Variants in TTC6 observed in about 807,000 individuals in gnomAD.
The protein encoded by TTC6 is tetratricopeptide repeat protein 6.
Under a neutral mutation model 210.4 loss-of-function variants are expected in TTC6, and 172 were observed. The observed-to-expected ratio is 0.82, with a 90% CI of 0.72 to 0.93. TTC6 has a LOEUF of 0.93. TTC6 is among the 40% of genes least tolerant of loss of function. The pLI, the probability that TTC6 is intolerant of heterozygous loss-of-function variation, is 0.00. For synonymous variants in TTC6, 804 were observed against 819.6 expected, an observed-to-expected ratio of 0.98 and a Z score of 0.32; for missense variants, 2,414 against 2,318.1, an observed-to-expected ratio of 1.04 and a Z score of -0.85.
intron 4 of TTC6, among the ~76,000 whole-genome samples, chr14:37,698,503 C>T (rs75083875): frequency 0.19 from 29,487 of 151,912 alleles, 3,249 homozygotes; most frequent in South Asian, 0.27. Flanking sequence ...TTTTTCCCCT[C>T]TATTTTAAAA....
At chr14:37,778,688 C>T (rs2096045597) in intron 14 of TTC6, among the ~76,000 whole-genome samples, 1 of 152,000 alleles carries the variant, frequency 6.6e-6, no homozygotes, top group Non-Finnish European at 1.5e-5. Flanking sequence ...TCTGCTGGAC[C>T]CCTCCAATAG....
At chr14:37,730,153 A>G (rs1293358109) in intron 7 of TTC6, among the ~76,000 whole-genome samples, 2 of 152,196 alleles carry the variant, frequency 1.3e-5, no homozygotes, top group African/African-American at 4.8e-5. Flanking sequence ...TGAATGGGAA[A>G]TGATATTTAG....
intron 14 of TTC6, among the ~76,000 whole-genome samples, chr14:37,777,605 T>C (rs2096041619): frequency 6.6e-6 from 1 of 152,188 alleles, no homozygotes; most frequent in African/African-American, 2.4e-5. Context: ...TTCTGTGATT[T>C]CAGCCATTTC....
chr14:37,622,810 G>A (rs970001879), exon 1 of TTC6: 36 of 1,533,668 alleles, frequency 2.3e-5, no homozygotes, highest in Non-Finnish European at 2.8e-5. Context: ...GGAGCCCAGG[G>A]AGAACAGGAG....
At position 37,807,766 on chromosome 14, in the gene TTC6, A is replaced by G. The variant is rs1340566915; in HGVS notation, c.4455+306A>G. On this transcript the variant is annotated intron_variant, in intron 23 of 30. Coordinates refer to ENST00000553443, the Ensembl canonical transcript of TTC6. ...ATAAAGGATTATTATCTCACCATCA[A>G]TGATAATTCCTGGGTGCATTTAGCA... 2.6e-5 allele frequency among the ~76,000 whole-genome samples: 4 copies of G among 152,118 alleles called. No homozygotes were observed. The East Asian group carries it at 5.8e-4, about 22-fold the overall frequency.
intron 16 of TTC6, among the ~76,000 whole-genome samples, chr14:37,791,322 C>T (rs1346363096): frequency 6.6e-6 from 1 of 152,082 alleles, no homozygotes; most frequent in African/African-American, 2.4e-5. Context: ...CCATGTAGAC[C>T]ATATGTTCAG....
intron 1 of TTC6, among the ~76,000 whole-genome samples, chr14:37,660,393 C>T (rs996660389): frequency 4.6e-5 from 7 of 152,112 alleles, no homozygotes; most frequent in African/African-American, 1.7e-4. Context: ...CACCTCACCC[C>T]TGGACAGGCC....
chr14:37,804,631 A>T (rs375216603), intron 20 of TTC6, 49 bp from the exon 23 acceptor site: 1 of 1,592,430 alleles, frequency 6.3e-7, no homozygotes, highest in African/African-American at 1.3e-5. Flanking sequence ...TTAAATCAAT[A>T]GTGGAAAGAA....
intron 17 of TTC6, among the ~76,000 whole-genome samples, chr14:37,793,522 G>A (rs1044948538): frequency 6.6e-6 from 1 of 152,172 alleles, no homozygotes; most frequent in Admixed American, 6.5e-5. Context: ...TCCTTACTCT[G>A]CTGACAATGG....
At chr14:37,817,784 G>C in intron 26 of TTC6, 133 bp downstream of exon 28, 11 of 838,610 alleles carry the variant, frequency 1.3e-5, no homozygotes, top group Non-Finnish European at 2.1e-5. Context: ...GTACAAAAAT[G>C]GGGAGGGACA....
At chr14:37,825,965 A>C (rs1595320647) in intron 27 of TTC6, among the ~76,000 whole-genome samples, 1 of 152,068 alleles carries the variant, frequency 6.6e-6, no homozygotes, top group East Asian at 1.9e-4. Context: ...TCGGAAGTTA[A>C]ATTTATTTTA....
At chr14:37,600,369 AAAGTCAACTATTTCATCT>A (rs2095613299) in intron 1 of TTC6, among the ~76,000 whole-genome samples, 1 of 152,120 alleles carries the variant, frequency 6.6e-6, no homozygotes, top group African/African-American at 2.4e-5. Flanking sequence ...GGGGCTTGGA[AAAGTCAACTATTTCATCT>A]CCTGCCTCAA....
intron 1 of TTC6, among the ~76,000 whole-genome samples, chr14:37,647,419 C>T (rs2095703544): frequency 6.6e-6 from 1 of 152,176 alleles, no homozygotes; most frequent in Admixed American, 6.5e-5. Context: ...TGGTCACATT[C>T]AGCATCTACT....
chr14:37,611,662 G>A (rs1456603713), intron 2 of TTC6, among the ~76,000 whole-genome samples: 1 of 152,128 alleles, frequency 6.6e-6, no homozygotes, highest in Admixed American at 6.5e-5. Flanking sequence ...GAGAAAAAGA[G>A]GCTAGGAAGG....
chr14:37,742,488 C>A (rs1222955924), intron 10 of TTC6, among the ~76,000 whole-genome samples: 1 of 152,088 alleles, frequency 6.6e-6, no homozygotes, highest in African/African-American at 2.4e-5. Context: ...TGGCTCACTG[C>A]AACCTCTGCC....
At chr14:37,600,012 C>T (rs553564491) in intron 1 of TTC6, among the ~76,000 whole-genome samples, 13 of 152,324 alleles carry the variant, frequency 8.5e-5, no homozygotes, top group African/African-American at 3.1e-4. Flanking sequence ...GGTCTCTGCT[C>T]TGTGCTGCTG....
chr14:37,799,713 A>G (rs184988492), intron 20 of TTC6, among the ~76,000 whole-genome samples: 6 of 152,270 alleles, frequency 3.9e-5, no homozygotes, highest in African/African-American at 1.4e-4. Flanking sequence ...CCTCAGGACA[A>G]TCTTCAGCCA....
intron 12 of TTC6, 114 bp downstream of exon 14, chr14:37,749,957 C>A: frequency 1.3e-6 from 1 of 743,164 alleles, no homozygotes; most frequent in Non-Finnish European, 1.8e-6. Context: ...AAATGACTTT[C>A]CTCAGTTAAA....
At chr14:37,713,989 G>A (rs1419079790) in intron 5 of TTC6, among the ~76,000 whole-genome samples, 1 of 152,018 alleles carries the variant, frequency 6.6e-6, no homozygotes, top group African/African-American at 2.4e-5. Flanking sequence ...TAGATATTTT[G>A]TCTTTATGTT....
Sources: allele counts gnomAD v4.1 joint callset (sites outside exome capture counted in the v4.1 genomes callset), GRCh38; gene constraint gnomAD v4.1.1; transcripts MANE v1.5; gene names NCBI Gene and HGNC (gene_info 2026-07-23, HGNC 2026-07-21).